CDH2: variants seen among roughly 807,000 people sequenced by gnomAD.
The protein encoded by CDH2 is cadherin 2.
A neutral mutation model predicts 92.0 loss-of-function variants in CDH2; 17 were observed. The ratio of observed to expected loss-of-function variants is 0.18; its 90% CI spans 0.13 to 0.28. The LOEUF (loss-of-function observed/expected upper bound fraction) is 0.28. Ranked by LOEUF, CDH2 falls within the 10% of genes least tolerant of loss-of-function variation. The pLI, the probability that CDH2 is intolerant of heterozygous loss-of-function variation, is 1.00. For missense variants in CDH2, 862 were observed against 1,133.1 expected, an observed-to-expected ratio of 0.76 and a Z score of 3.44; for synonymous variants, 419 against 415.9, an observed-to-expected ratio of 1.01 and a Z score of -0.09.
At chr18:28,056,201 A>G (rs116697157) in intron 2 of CDH2, among the ~76,000 whole-genome samples, 2,022 of 152,234 alleles carry the variant, frequency 0.013, 52 homozygotes, top group African/African-American at 0.046. Context: ...TTTGTAGAAC[A>G]TGGATTTTGT....
rs1416014166 is a variant in CDH2, at chr18:27,951,654, T to A, written c.*499A>T. On this transcript the variant is annotated 3_prime_UTR_variant, in exon 16 of 16. Transcript: ENST00000269141. The stretch of plus-strand genomic sequence containing the variant: ...AAAAAAACAAACTAAAGTCTAAAAC[T>A]AGAAGTAATGTACATTTTCCAATCT... 1 of 151,350 alleles carries A rather than the reference T, an allele frequency of 6.6e-6. No homozygotes were observed. 9.4% of individuals were successfully genotyped at this position (151,350 alleles called of 1,614,324 possible).
chr18:28,068,689 C>T (rs746124376), intron 2 of CDH2, among the ~76,000 whole-genome samples: 5 of 152,280 alleles, frequency 3.3e-5, no homozygotes, highest in Middle Eastern at 6.8e-3. Flanking sequence ...GCAACCATCA[C>T]GCAGTGCTAG....
chr18:28,005,876 C>T lies in CDH2; in HGVS notation c.820G>A (p.Gly274Arg). ...RPEFLHQVWN[G>R]TVPEGSKPGT... ...GGCTTTGATCCCTCAGGAACTGTCC[C>T]ATTCCAAACCTGGTGTAAGAACTCA... The change falls in exon 6 of 16, where the codon GGG becomes AGG. Residue 274 changes from glycine to arginine, a missense_variant. Physicochemically the swap from Gly to Arg is moderately radical, Grantham distance 125 (BLOSUM62 -2). Around this residue, in one of 5 missense-constraint regions of CDH2, gnomAD observed 564 missense variants for 722.2 expected, o/e 0.78. Transcript: ENST00000269141. 1.9e-6 allele frequency: 3 copies of T among 1,613,484 alleles called. No individual in the cohort carries two copies. Among genetic ancestry groups the T allele is most frequent in the Non-Finnish European group, 2.5e-6 (3 of 1,179,546 alleles).
downstream of CDH2, among the ~76,000 whole-genome samples, chr18:27,947,694 TATG>T (rs767843927): frequency 7.7e-5 from 11 of 143,710 alleles, no homozygotes; most frequent in Non-Finnish European, 1.4e-4. Context: ...TATAAGTGTA[TATG>T]ATGTAAGTAT....
intron 6 of CDH2, among the ~76,000 whole-genome samples, chr18:27,939,366 G>A (rs1339887505): frequency 6.6e-6 from 1 of 152,106 alleles, no homozygotes; most frequent in Non-Finnish European, 1.5e-5. Flanking sequence ...ATCTCTACCT[G>A]ATTTCTACAA....
chr18:28,013,262 G>GGGACA (rs1249719612), intron 3 of CDH2, among the ~76,000 whole-genome samples: 1 of 152,094 alleles, frequency 6.6e-6, no homozygotes, highest in African/African-American at 2.4e-5. Flanking sequence ...GGATTATTAA[G>GGGACA]GGACAAGACA....
chr18:28,099,989 T>C (rs996870181), intron 2 of CDH2, among the ~76,000 whole-genome samples: 1 of 152,124 alleles, frequency 6.6e-6, no homozygotes, highest in African/African-American at 2.4e-5. Context: ...GTTTGTTTAA[T>C]TTCTATGATG....
At position 28,177,124 on chromosome 18, in the gene CDH2, A is replaced by C; in HGVS notation, c.-102T>G. The C allele has an allele frequency of 2.4e-6, 2 of 817,654 alleles. No homozygotes were observed. The highest frequency in any genetic ancestry group is 3.7e-6 in the Non-Finnish European group (2 of 540,258). 50.6% of individuals were successfully genotyped at this position (817,654 alleles called of 1,614,324 possible). On this transcript the variant is annotated 5_prime_UTR_variant, in exon 1 of 16. Coordinates refer to ENST00000269141, the MANE Select transcript of CDH2 (RefSeq NM_001792.5). The stretch of plus-strand genomic sequence containing the variant: ...CGGCAGCACCAACAGCGGCGCGGAG[A>C]AACGGCTCCAGGCAGTTTCCACCCC...
intron 2 of CDH2, among the ~76,000 whole-genome samples, chr18:28,124,255 T>C (rs1261819723): frequency 6.6e-6 from 1 of 152,132 alleles, no homozygotes; most frequent in African/African-American, 2.4e-5. Flanking sequence ...CTCATTTTCA[T>C]TTTCATTTGG....
chr18:28,001,136 C>T (rs532910478), intron 7 of CDH2, among the ~76,000 whole-genome samples: 1 of 152,254 alleles, frequency 6.6e-6, no homozygotes, highest in South Asian at 2.1e-4. Flanking sequence ...GTTTCAAATC[C>T]ATTTCCACAT....
At chr18:28,035,927 A>G (rs1234495320) in intron 2 of CDH2, among the ~76,000 whole-genome samples, 1 of 152,134 alleles carries the variant, frequency 6.6e-6, no homozygotes. Flanking sequence ...ATGAATTAAG[A>G]TGAAGATCTA....
intron 2 of CDH2, chr18:28,097,280 T>C (rs17446505): frequency 0.12 from 18,384 of 152,098 alleles, 1,462 homozygotes; most frequent in Admixed American, 0.18. Context: ...CAAAAAGGGA[T>C]TGAAAATGGA....
chr18:27,948,008 T>C (rs1424871685), downstream of CDH2, among the ~76,000 whole-genome samples: 1 of 146,564 alleles, frequency 6.8e-6, no homozygotes, highest in Non-Finnish European at 1.5e-5. Context: ...CAAGCGGTGT[T>C]TGGAAAACAG....
At chr18:28,056,750 A>G (rs1475706882) in intron 2 of CDH2, among the ~76,000 whole-genome samples, 1 of 152,192 alleles carries the variant, frequency 6.6e-6, no homozygotes, top group African/African-American at 2.4e-5. Flanking sequence ...GAATTTTCCT[A>G]TTGAGTCCCT....
At chr18:28,159,897 T>A (rs926346130) in intron 1 of CDH2, among the ~76,000 whole-genome samples, 1 of 152,158 alleles carries the variant, frequency 6.6e-6, no homozygotes, top group African/African-American at 2.4e-5. Context: ...CCTCTGGTGA[T>A]CCACCCACCT....
At chr18:28,083,668 A>G (rs1031579623) in intron 2 of CDH2, among the ~76,000 whole-genome samples, 1 of 152,122 alleles carries the variant, frequency 6.6e-6, no homozygotes, top group Non-Finnish European at 1.5e-5. Context: ...TACCTTACTT[A>G]AGTTTGATGT....
chr18:27,938,024 T>G (rs1362670450), intron 6 of CDH2, among the ~76,000 whole-genome samples: 3 of 152,116 alleles, frequency 2.0e-5, no homozygotes, highest in Non-Finnish European at 2.9e-5. Context: ...GGGGGTGGTT[T>G]CTCATGGCTT....
intron 5 of CDH2, among the ~76,000 whole-genome samples, chr18:28,006,812 A>T (rs1229482880): frequency 6.6e-6 from 1 of 151,868 alleles, no homozygotes; most frequent in African/African-American, 2.4e-5. Flanking sequence ...GTACATAGGA[A>T]ATTTTGACAC....
chr18:28,033,452 C>T (rs776189305), intron 2 of CDH2, among the ~76,000 whole-genome samples: 133 of 151,854 alleles, frequency 8.8e-4, no homozygotes, highest in Admixed American at 3.9e-4. Flanking sequence ...CTGATGCACA[C>T]GAATTGGTTC....
Sources: gnomAD v4.1 joint callset for allele counts (sites outside exome capture counted in the v4.1 genomes callset) on GRCh38, gnomAD v4.1.1 for gene constraint, gnomAD v4.1.1 regional missense constraint, MANE v1.5 for transcripts, NCBI Gene and HGNC (gene_info 2026-07-23, HGNC 2026-07-21) for gene names.